RRAGC: variants seen among roughly 807,000 people sequenced by gnomAD.
The protein encoded by RRAGC is Ras related GTP binding C, also known as ras-related GTP-binding protein C.
A neutral mutation model predicts 37.1 loss-of-function variants in RRAGC; 8 were observed. That is an observed-to-expected ratio of 0.22 (90% CI 0.13 to 0.39). The LOEUF (loss-of-function observed/expected upper bound fraction) is 0.39, where lower values mean the gene tolerates loss of function less well. RRAGC is among the 10% of genes least tolerant of loss of function. RRAGC has a pLI of 1.00. For synonymous variants in RRAGC, 190 were observed against 181.1 expected, an observed-to-expected ratio of 1.05 and a Z score of -0.39; for missense variants, 342 against 497.6, an observed-to-expected ratio of 0.69 and a Z score of 2.98.
At position 38,859,487 on chromosome 1, in the gene RRAGC, G is replaced by A. The variant is rs773680771; in HGVS notation, c.160C>T (p.Pro54Ser). The change falls in exon 1 of 7, where the codon CCG (proline) becomes TCG (serine). Residue 54 changes from proline (P) to serine (S), a missense_variant. This residue lies in a region of RRAGC where 104 missense variants were observed against 93.4 expected (regional missense o/e 1.11). Coordinates refer to ENST00000373001, the MANE Select transcript of RRAGC (RefSeq NM_022157.4). ...VGAGAGGGCG[P>S]GGADSSKPRI... The stretch of plus-strand genomic sequence containing the variant: ...GGCTTGGAGCTGTCAGCGCCCCCCG[G>A]ACCACAGCCACCGCCTGCCCCTGCC... 3.7e-5 allele frequency: 58 copies of A among 1,547,796 alleles called. No individual in the cohort carries two copies. The highest frequency in any genetic ancestry group is 6.0e-5 in the South Asian group (5 of 83,980).
intron 1 of RRAGC, among the ~76,000 whole-genome samples, chr1:38,859,029 TG>T (rs1391563502): frequency 6.6e-6 from 1 of 152,222 alleles, no homozygotes; most frequent in Non-Finnish European, 1.5e-5. Flanking sequence ...TCAGGTCACC[TG>T]AAGTGAGAAC....
chr1:38,850,782 A>G (rs1253298992), intron 5 of RRAGC, among the ~76,000 whole-genome samples: 2 of 152,192 alleles, frequency 1.3e-5, no homozygotes, highest in Non-Finnish European at 2.9e-5. Context: ...GCTGATGTTA[A>G]TATACCAGGG....
At position 38,859,614 on chromosome 1, in the gene RRAGC, G is replaced by A. The variant is rs1642212655; in HGVS notation, c.33C>T (p.Pro11=). The change falls in exon 1 of 7, where the codon CCC becomes CCT. Residue 11 remains proline, a synonymous_variant. Coordinates refer to ENST00000373001, the MANE Select transcript of RRAGC (RefSeq NM_022157.4). ...CGGCCGCGCCGTAACTGCCGGCGAG[G>A]GGCGTCTCCTCCGCCCCGTACTGCA... The part of the protein sequence containing the change: MSLQYGAEET[P]LAGSYGAADS... 1 of 1,563,964 alleles carries A rather than the reference G, an allele frequency of 6.4e-7. No homozygotes were observed. The highest frequency in any genetic ancestry group is 2.4e-5 in the East Asian group (1 of 42,466).
At chr1:38,847,294 T>C (rs1340347775) in intron 5 of RRAGC, 2 of 152,102 alleles carry the variant, frequency 1.3e-5, no homozygotes, top group South Asian at 4.1e-4. Context: ...TGTTCTCATA[T>C]GGTAGCATAA....
intron 6 of RRAGC, among the ~76,000 whole-genome samples, chr1:38,842,220 C>T (rs1264179925): frequency 6.6e-6 from 1 of 152,032 alleles, no homozygotes; most frequent in Non-Finnish European, 1.5e-5. Flanking sequence ...TGCAGTGAGC[C>T]GAGATCGCAC....
At chr1:38,849,385 A>G (rs1266656385) in intron 5 of RRAGC, among the ~76,000 whole-genome samples, 3 of 152,186 alleles carry the variant, frequency 2.0e-5, no homozygotes, top group East Asian at 3.9e-4. Flanking sequence ...TTTATTATGT[A>G]TAAGGTATTT....
At chr1:38,858,126 CGTACCCAA>C (rs150487861) in intron 1 of RRAGC, among the ~76,000 whole-genome samples, 8,198 of 152,208 alleles carry the variant, frequency 0.054, 263 homozygotes, top group Non-Finnish European at 0.064. Context: ...CTACAGTCAA[CGTACCCAA>C]GTTTTGCTGT....
Position 38,839,695 on chromosome 1 carries a change from T to C in RRAGC, c.1058A>G (p.Asp353Gly). 1 of 1,614,094 alleles carries C rather than the reference T, an allele frequency of 6.2e-7. No homozygotes were observed. The highest frequency in any genetic ancestry group is 8.5e-7 in the Non-Finnish European group (1 of 1,179,974). ...TTTTCGGAAACAGTGGAAGTTGTAGTCTATTAAACCTGCAGGAAGGAAAAA... is the reference window on the plus strand; with the variant it reads ...TTTTCGGAAACAGTGGAAGTTGTAGCCTATTAAACCTGCAGGAAGGAAAAA... The part of the protein sequence containing the change: ...EESFERKGLI[D>G]YNFHCFRKAI... The change falls in exon 7 of 7, where the codon GAC becomes GGC. Residue 353 changes from aspartate to glycine, a missense_variant. Asp to Gly is a moderately conservative substitution (Grantham distance 94). This residue lies in a region of RRAGC where 104 missense variants were observed against 127.0 expected (regional missense o/e 0.82). Transcript: ENST00000373001.
chr1:38,854,490 G>C (rs577946126), intron 3 of RRAGC, among the ~76,000 whole-genome samples: 1 of 152,260 alleles, frequency 6.6e-6, no homozygotes, highest in African/African-American at 2.4e-5. Context: ...ACACAGACAC[G>C]GAGTAAAGAG....
In RRAGC at chr1:38,850,512, T is replaced by TAATAAATAAATA. The variant is rs3072435; in HGVS notation, c.899+1091_899+1102dup. Among the ~76,000 whole-genome samples, 566 of 147,902 alleles carry TAATAAATAAATA rather than the reference T, an allele frequency of 3.8e-3. 5 individuals carry two copies. Among genetic ancestry groups the TAATAAATAAATA allele is most frequent in the African/African-American group, 0.013 (523 of 40,304 alleles). ...CTGGGCGACGGAGCAAGACTCCGTTTAATAAATAAATAAATAAATAAATAA... is the reference window on the plus strand; with the variant it reads ...CTGGGCGACGGAGCAAGACTCCGTTTAATAAATAAATAAATAAATAAATAAATAAATAAATAA... On this transcript the variant is annotated intron_variant, in intron 5 of 6. Transcript: ENST00000373001.
At chr1:38,856,663 A>G (rs982562670) in intron 2 of RRAGC, 1 of 440,474 alleles carries the variant, frequency 2.3e-6, no homozygotes, top group Non-Finnish European at 4.0e-6. Context: ...ACTAGGACTC[A>G]AGGATGTAAA....
At chr1:38,843,274 T>C (rs1406963258) in intron 6 of RRAGC, among the ~76,000 whole-genome samples, 1 of 151,692 alleles carries the variant, frequency 6.6e-6, no homozygotes, top group Non-Finnish European at 1.5e-5. Context: ...GAGGCTACAG[T>C]GAATTATGAT....
chr1:38,856,918 G>A lies in RRAGC; in HGVS notation c.402C>T (p.Phe134=), dbSNP rs1642174321. The part of the protein sequence containing the change: ...FDPTFDYEMI[F]RGTGALIYVI... ...CGTATATCAATGCTCCTGTTCCCCT[G>A]AAGATCATCTCATAGTCAAAGGTTG... The change falls in exon 2 of 7, where the codon TTC becomes TTT. Residue 134 remains phenylalanine, a synonymous_variant. Transcript: ENST00000373001. The A allele has an allele frequency of 1.2e-6, 2 of 1,614,114 alleles. No homozygotes were observed. The highest frequency in any genetic ancestry group is 1.1e-5 in the South Asian group (1 of 91,080).
rs138814620 is a variant in RRAGC, at chr1:38,858,183, G to T, written c.238-1101C>A. ...AAGGTAAATAAAACACAGTACTCCAGCAAACCTGGAAGAACGCTGCTTTTT... is the reference window on the plus strand; with the variant it reads ...AAGGTAAATAAAACACAGTACTCCATCAAACCTGGAAGAACGCTGCTTTTT... On this transcript the variant is annotated intron_variant, in intron 1 of 6. Coordinates refer to ENST00000373001, the MANE Select transcript of RRAGC (RefSeq NM_022157.4). Among the ~76,000 whole-genome samples the T allele has an allele frequency of 5.9e-5, 9 of 152,216 alleles. No individual in the cohort carries two copies. The East Asian group carries it at 1.7e-3, about 29-fold the overall frequency.
chr1:38,849,709 T>A (rs1178984536), intron 5 of RRAGC, among the ~76,000 whole-genome samples: 1 of 151,954 alleles, frequency 6.6e-6, no homozygotes, highest in Non-Finnish European at 1.5e-5. Context: ...ATAAATAAAA[T>A]AAATAACATG....
At position 38,852,474 on chromosome 1, in the gene RRAGC, C is replaced by G; in HGVS notation, c.656G>C (p.Ser219Thr). The change falls in exon 4 of 7, where the codon AGT becomes ACT. Residue 219 changes from serine (S) to threonine (T), a missense_variant. This residue lies in a region of RRAGC where 134 missense variants were observed against 277.2 expected (regional missense o/e 0.48). Coordinates refer to ENST00000373001, the MANE Select transcript of RRAGC (RefSeq NM_022157.4). ...EKLHLSFYLT[S>T]IYDHSIFEAF... Reference sequence around the variant, plus strand: ...TTCAAATATTGAATGGTCATAGATACTAGTCAGATAAAAGCTGAAAAACAC... The same window carrying G: ...TTCAAATATTGAATGGTCATAGATAGTAGTCAGATAAAAGCTGAAAAACAC... 1 of 1,566,582 alleles carries G rather than the reference C, an allele frequency of 6.4e-7. No homozygotes were observed. The highest frequency in any genetic ancestry group is 8.8e-7 in the Non-Finnish European group (1 of 1,140,934).
intron 2 of RRAGC, 91 bp from the exon 3 acceptor site, chr1:38,855,998 A>C (rs770461481): frequency 6.0e-5 from 46 of 761,074 alleles, no homozygotes; most frequent in African/African-American, 8.8e-5. Context: ...CCCCAACCAC[A>C]GAAAAATACT....
At chr1:38,852,701 G>T in intron 3 of RRAGC, 1 of 336,622 alleles carries the variant, frequency 3.0e-6, no homozygotes. Flanking sequence ...GGGGGCAACT[G>T]AAGTAGTACT....
intron 5 of RRAGC, among the ~76,000 whole-genome samples, chr1:38,849,453 C>T (rs1642068956): frequency 6.6e-6 from 1 of 152,192 alleles, no homozygotes. Context: ...CTTTGAGAGG[C>T]CAAGGCAGGT....
Sources: allele counts gnomAD v4.1 joint callset (sites outside exome capture counted in the v4.1 genomes callset), GRCh38; gene constraint gnomAD v4.1.1; regional missense constraint gnomAD v4.1.1; transcripts MANE v1.5; gene names NCBI Gene and HGNC (gene_info 2026-07-23, HGNC 2026-07-21).